Variants in INPP5B observed in about 807,000 individuals in gnomAD.
INPP5B encodes type II inositol 1,4,5-trisphosphate 5-phosphatase.
In INPP5B, 90 loss-of-function variants were observed where a neutral mutation model predicts 118.5. The ratio of observed to expected loss-of-function variants is 0.76; its 90% CI spans 0.64 to 0.90. INPP5B has a LOEUF of 0.90. INPP5B is among the 40% of genes least tolerant of loss of function. The pLI is 0.00. For synonymous variants in INPP5B, 385 were observed against 418.9 expected, an observed-to-expected ratio of 0.92 and a Z score of 0.99; for missense variants, 984 against 1,125.6, an observed-to-expected ratio of 0.87 and a Z score of 1.80.
chr1:37,880,675 C>A (rs1643144673), intron 14 of INPP5B, among the ~76,000 whole-genome samples: 1 of 151,924 alleles, frequency 6.6e-6, no homozygotes, highest in Non-Finnish European at 1.5e-5. Context: ...TGACGTGATC[C>A]ACCCACCTCG....
intron 13 of INPP5B, among the ~76,000 whole-genome samples, chr1:37,884,825 C>T (rs1318117698): frequency 1.3e-5 from 2 of 152,018 alleles, no homozygotes; most frequent in Non-Finnish European, 2.9e-5. Flanking sequence ...GTGGCACGCA[C>T]CTGTAGTCTC....
At chr1:37,921,278 T>C (rs890124568) in intron 7 of INPP5B, among the ~76,000 whole-genome samples, 1 of 151,946 alleles carries the variant, frequency 6.6e-6, no homozygotes, top group African/African-American at 2.4e-5. Context: ...CCATGTAGAG[T>C]TTGGATTTTA....
intron 7 of INPP5B, among the ~76,000 whole-genome samples, chr1:37,920,770 A>G (rs1031575247): frequency 6.6e-5 from 10 of 151,888 alleles, no homozygotes; most frequent in African/African-American, 2.4e-4. Flanking sequence ...GATCACAAGC[A>G]TGTTACCCTA....
intron 15 of INPP5B, 143 bp from the exon 16 acceptor site, chr1:37,878,466 C>A: frequency 1.4e-6 from 2 of 1,454,864 alleles, no homozygotes; most frequent in Non-Finnish European, 1.8e-6. Flanking sequence ...AAGAGCAATT[C>A]GGGCCCACCA....
In INPP5B at chr1:37,862,261, AAC is replaced by A. The variant is rs869144808; in HGVS notation, c.*52_*53del. ...TATCTTAAGGCATCTCTTGAGCTGA[AAC>A]AGGTGGGGCTGGTAATTGGCAGCCT... On this transcript the variant is annotated 3_prime_UTR_variant, in exon 24 of 24. Coordinates refer to ENST00000373024, the MANE Select transcript of INPP5B (RefSeq NM_005540.3). 69 of 1,163,398 alleles carry A rather than the reference AAC, an allele frequency of 5.9e-5. No individual in the cohort carries two copies. The highest frequency in any genetic ancestry group is 1.3e-5 in the Non-Finnish European group (10 of 775,202). The allele number at this position is 1,163,398 out of a possible 1,614,324, so 72.1% of individuals were successfully genotyped here.
intron 5 of INPP5B, among the ~76,000 whole-genome samples, 186 bp downstream of exon 5, chr1:37,943,454 G>A (rs1406254038): frequency 1.3e-5 from 2 of 152,086 alleles, no homozygotes; most frequent in Admixed American, 6.5e-5. Context: ...CGGGGGAGAC[G>A]GAAACAGCAG....
chr1:37,919,127 A>G (rs749566016), intron 7 of INPP5B, among the ~76,000 whole-genome samples: 10 of 152,306 alleles, frequency 6.6e-5, no homozygotes, highest in Middle Eastern at 3.4e-3. Context: ...ATGAAACTAT[A>G]AACTCCCAAG....
chr1:37,945,989 AACAG>A (rs1317334108), intron 2 of INPP5B, 139 bp from the exon 3 acceptor site: 4 of 744,624 alleles, frequency 5.4e-6, no homozygotes, highest in Non-Finnish European at 6.7e-6. Flanking sequence ...GTGCTGAACT[AACAG>A]ACAAACAGGC....
intron 15 of INPP5B, 52 bp downstream of exon 15, chr1:37,880,033 A>C: frequency 8.1e-7 from 1 of 1,239,606 alleles, no homozygotes; most frequent in Non-Finnish European, 1.2e-6. Context: ...AGTACTTCCC[A>C]GAATTTCTGG....
intron 9 of INPP5B, 116 bp from the exon 10 acceptor site, chr1:37,888,460 A>C: frequency 1.8e-6 from 1 of 557,164 alleles, no homozygotes; most frequent in Non-Finnish European, 3.0e-6. Context: ...TTTGAGACAT[A>C]AGAAATGTCA....
rs754183601 is a variant in INPP5B at position 37,885,689 on chromosome 1, T to C, written c.1268A>G (p.Gln423Arg). ...AAGGCTTGGGTCAGGCTGACAAAACTGCATTCGAGAACAAATGTCCTTATA... is the reference window on the plus strand; with the variant it reads ...AAGGCTTGGGTCAGGCTGACAAAACCGCATTCGAGAACAAATGTCCTTATA... ...QDYKDICSRM[Q>R]FCQPDPSLPP... is the part of the protein sequence containing the mutation. Residue 423 changes from glutamine to arginine, a missense_variant, in exon 13 of 24, where the codon CAG (glutamine) becomes CGG (arginine). Gln to Arg is a conservative substitution (Grantham distance 43). This residue lies in a region of INPP5B where 634 missense variants were observed against 791.0 expected (regional missense o/e 0.80). Coordinates refer to ENST00000373024, the MANE Select transcript of INPP5B (RefSeq NM_005540.3). 2.4e-5 allele frequency: 39 copies of C among 1,614,050 alleles called. No individual in the cohort carries two copies. In the East Asian group the frequency reaches 8.0e-4, roughly 33 times the overall value.
chr1:37,898,521 C>T (rs1302213677), intron 7 of INPP5B, among the ~76,000 whole-genome samples: 6 of 152,028 alleles, frequency 3.9e-5, no homozygotes, highest in African/African-American at 1.5e-4. Flanking sequence ...CGGTGAAACC[C>T]CATCTCTACT....
intron 13 of INPP5B, among the ~76,000 whole-genome samples, chr1:37,884,511 G>A (rs1242263568): frequency 2.6e-5 from 4 of 151,826 alleles, no homozygotes; most frequent in Non-Finnish European, 2.9e-5. Flanking sequence ...TTGAACTCCC[G>A]GGCTCAATCG....
chr1:37,893,845 CA>C (rs1643919566), intron 7 of INPP5B, among the ~76,000 whole-genome samples: 1 of 152,216 alleles, frequency 6.6e-6, no homozygotes, highest in East Asian at 1.9e-4. Context: ...AAGGTTACTG[CA>C]GCTATGCAAA....
intron 7 of INPP5B, among the ~76,000 whole-genome samples, chr1:37,923,963 A>G (rs1350041263): frequency 1.3e-5 from 2 of 152,010 alleles, no homozygotes; most frequent in Non-Finnish European, 2.9e-5. Context: ...TTTTTAGTAA[A>G]GACAGGTTTT....
chr1:37,925,984 A>G (rs1645213403), intron 7 of INPP5B, among the ~76,000 whole-genome samples: 4 of 152,220 alleles, frequency 2.6e-5, no homozygotes, highest in Admixed American at 2.6e-4. Context: ...GTTCTCTAAG[A>G]TAAACAAAAG....
intron 7 of INPP5B, among the ~76,000 whole-genome samples, chr1:37,897,680 C>T (rs1389461559): frequency 6.6e-6 from 1 of 151,590 alleles, no homozygotes; most frequent in Non-Finnish European, 1.5e-5. Context: ...CACTATTGTC[C>T]TGTGACCCTG....
At chr1:37,931,416 G>A in intron 7 of INPP5B, 1 of 1,501,528 alleles carries the variant, frequency 6.7e-7, no homozygotes, top group Non-Finnish European at 8.9e-7. Context: ...CAGCGAGTTC[G>A]GAACGGAGCT....
intron 7 of INPP5B, among the ~76,000 whole-genome samples, chr1:37,896,616 C>T (rs1199678174): frequency 1.4e-5 from 2 of 144,114 alleles, no homozygotes; most frequent in East Asian, 2.2e-4. Context: ...CAGCCCCCCG[C>T]CCGGCCAGCC....
Sources: gnomAD v4.1 joint callset for allele counts (sites outside exome capture counted in the v4.1 genomes callset) on GRCh38, gnomAD v4.1.1 for gene constraint, gnomAD v4.1.1 regional missense constraint, MANE v1.5 for transcripts, NCBI Gene and HGNC (gene_info 2026-07-23, HGNC 2026-07-21) for gene names.